Variants in ITGB1 observed in about 807,000 individuals in gnomAD.
ITGB1 encodes the protein integrin subunit beta 1.
Under a neutral mutation model 86.5 loss-of-function variants are expected in ITGB1, and 24 were observed. The observed-to-expected ratio is 0.28, with a 90% CI of 0.20 to 0.39. The LOEUF is 0.39. Among genes scored for constraint, ITGB1 ranks in the 10% least tolerant of loss-of-function variants. The probability of loss-of-function intolerance (pLI) is 1.00; values close to 1 mark genes in which losing one functional copy is unlikely to be tolerated. For missense variants in ITGB1, 556 were observed against 946.9 expected (o/e 0.59, Z 5.42); for synonymous variants, 323 against 316.8 (o/e 1.02, Z -0.21).
chr10:32,944,618 C>T, intron 1 of ITGB1: 1 of 586,870 alleles, frequency 1.7e-6, no homozygotes, highest in African/African-American at 1.8e-5. Flanking sequence ...CCTATATGAG[C>T]TGAAAAATCT....
intron 15 of ITGB1, among the ~76,000 whole-genome samples, chr10:32,907,542 A>C (rs1469755424): frequency 6.6e-6 from 1 of 152,182 alleles, no homozygotes; most frequent in African/African-American, 2.4e-5. Context: ...TTTAAAGTAC[A>C]TAGTTCTGTG....
chr10:32,918,537 G>A (rs1344240582), intron 11 of ITGB1, among the ~76,000 whole-genome samples: 4 of 152,186 alleles, frequency 2.6e-5, no homozygotes, highest in East Asian at 1.9e-4. Context: ...ATACACAGGC[G>A]CACATGTACA....
chr10:32,956,811 T>G (rs1042376117), intron 1 of ITGB1, among the ~76,000 whole-genome samples: 2 of 152,228 alleles, frequency 1.3e-5, no homozygotes, highest in Non-Finnish European at 2.9e-5. Context: ...TCCGAGATAT[T>G]TTTAACATCT....
rs117841208 is a variant in ITGB1 at position 32,954,619 on chromosome 10, A to C, written c.-1+3526T>G. On this transcript the variant is annotated intron_variant, in intron 1 of 15. Coordinates refer to ENST00000302278, the MANE Select transcript of ITGB1 (RefSeq NM_002211.4). ...ATCAACAAACATAATAGTAGACCTA[A>C]AATTTTCTCCCTATACTTCAGTGAG... 4.1e-4 allele frequency among the ~76,000 whole-genome samples: 62 copies of C among 152,336 alleles called. No homozygotes were observed. The East Asian group carries it at 0.012, about 28-fold the overall frequency.
chr10:32,902,535 A>G (rs1367507347), intron 15 of ITGB1, among the ~76,000 whole-genome samples: 2 of 152,228 alleles, frequency 1.3e-5, no homozygotes, highest in African/African-American at 4.8e-5. Flanking sequence ...GTGACCAAAT[A>G]ACACTTAATC....
At chr10:32,917,109 T>C (rs2094934322) in intron 11 of ITGB1, among the ~76,000 whole-genome samples, 1 of 152,206 alleles carries the variant, frequency 6.6e-6, no homozygotes, top group African/African-American at 2.4e-5. Flanking sequence ...CCCTATTTAA[T>C]AAATGGTGCT....
At chr10:32,944,974 A>T in intron 1 of ITGB1, 1 of 1,008,228 alleles carries the variant, frequency 9.9e-7, no homozygotes, top group East Asian at 2.6e-5. Context: ...AAGTTCCACA[A>T]AGAAGCCAGA....
intron 7 of ITGB1, 50 bp from the exon 8 acceptor site, chr10:32,922,785 T>TCTTCTA: frequency 9.6e-7 from 1 of 1,037,502 alleles, no homozygotes; most frequent in Non-Finnish European, 1.4e-6. Context: ...CCTTATAATC[T>TCTTCTA]CTTCTAATTT....
In ITGB1 at chr10:32,910,222, C is replaced by A; in HGVS notation, c.2164+1G>T. ...AATGTCTGCAATCATCGCATTTCTA[C>A]CTGGATTCTCCACAACATGAACCAT... On this transcript the variant is annotated splice_donor_variant, in intron 14 of 15. Coordinates refer to ENST00000302278, the MANE Select transcript of ITGB1 (RefSeq NM_002211.4). LOFTEE classifies it high-confidence loss of function. 1 of 1,599,466 alleles carries A rather than the reference C, an allele frequency of 6.3e-7. No individual in the cohort carries two copies. The highest frequency in any genetic ancestry group is 8.6e-7 in the Non-Finnish European group (1 of 1,167,166).
intron 11 of ITGB1, among the ~76,000 whole-genome samples, chr10:32,914,480 C>A (rs2094925234): frequency 6.6e-6 from 1 of 151,922 alleles, no homozygotes; most frequent in South Asian, 2.1e-4. Flanking sequence ...ATCTACCAAG[C>A]AAATGGAAAA....
intron 1 of ITGB1, among the ~76,000 whole-genome samples, chr10:32,952,765 C>G (rs909130988): frequency 3.3e-5 from 5 of 152,070 alleles, no homozygotes; most frequent in African/African-American, 4.8e-5. Context: ...TCTTTATTGC[C>G]TCTTCATCTC....
At chr10:32,942,277 T>C (rs1461009827) in intron 1 of ITGB1, among the ~76,000 whole-genome samples, 1 of 152,108 alleles carries the variant, frequency 6.6e-6, no homozygotes, top group Non-Finnish European at 1.5e-5. Flanking sequence ...CATTCATGCA[T>C]GACTGTTTTT....
At chr10:32,938,710 C>CGACTG (rs1469133840) in intron 1 of ITGB1, among the ~76,000 whole-genome samples, 3 of 152,168 alleles carry the variant, frequency 2.0e-5, no homozygotes, top group Non-Finnish European at 4.4e-5. Flanking sequence ...AACGATCCTG[C>CGACTG]GACTGGCGAC....
chr10:32,948,380 T>C lies in ITGB1; in HGVS notation c.-1+9765A>G, dbSNP rs1057288946. Among the ~76,000 whole-genome samples the C allele has an allele frequency of 3.9e-5, 6 of 152,070 alleles. No individual in the cohort carries two copies. In the South Asian group the frequency reaches 1.0e-3, roughly 26 times the overall value. Reference sequence around the variant, plus strand: ...TCTGAACACTAATATCATAAAAACATAGTAGACAAAATACAAATGCTCTGA... The same window carrying C: ...TCTGAACACTAATATCATAAAAACACAGTAGACAAAATACAAATGCTCTGA... On this transcript the variant is annotated intron_variant, in intron 1 of 15. Transcript: ENST00000302278.
intron 10 of ITGB1, 42 bp downstream of exon 10, chr10:32,920,203 A>C (rs1208066164): frequency 1.3e-6 from 2 of 1,591,576 alleles, no homozygotes; most frequent in South Asian, 2.3e-5. Context: ...TTTGCTTATA[A>C]ATAACCAATG....
intron 1 of ITGB1, among the ~76,000 whole-genome samples, chr10:32,950,698 C>T (rs891185451): frequency 6.6e-6 from 1 of 152,130 alleles, no homozygotes; most frequent in African/African-American, 2.4e-5. Context: ...TCACCACTCC[C>T]ACCCAGAAGA....
chr10:32,908,265 TAGAA>T (rs1248915444), intron 15 of ITGB1, 99 bp downstream of exon 15: 6 of 1,135,126 alleles, frequency 5.3e-6, no homozygotes, highest in Middle Eastern at 2.0e-4. Flanking sequence ...ATAAAATACT[TAGAA>T]AGGACTTTAA....
At position 32,923,702 on chromosome 10, in the gene ITGB1, C is replaced by T; in HGVS notation, c.825G>A (p.Val275=). 2 of 1,613,840 alleles carry T rather than the reference C, an allele frequency of 1.2e-6. No homozygotes were observed. The highest frequency in any genetic ancestry group is 1.7e-6 in the Non-Finnish European group (2 of 1,179,880). ...IGWRNVTRLL[V]FSTDAGFHFA... is the part of the protein sequence containing the mutation. The stretch of plus-strand genomic sequence containing the variant: ...AGTGAAACCCGGCATCTGTGGAAAA[C>T]ACCAGCAGCCGTGTAACATTCCTCC... Residue 275 remains valine (V), a synonymous_variant, in exon 7 of 16, where the codon GTG becomes GTA. Transcript: ENST00000302278.
intron 14 of ITGB1, among the ~76,000 whole-genome samples, chr10:32,909,626 G>T (rs571725954): frequency 6.6e-6 from 1 of 152,182 alleles, no homozygotes; most frequent in African/African-American, 2.4e-5. Context: ...GAGTCTGGCA[G>T]CTTCTTAACA....
Sources: gnomAD v4.1 joint callset for allele counts (sites outside exome capture counted in the v4.1 genomes callset) on GRCh38, gnomAD v4.1.1 for gene constraint, MANE v1.5 for transcripts, NCBI Gene and HGNC (gene_info 2026-07-23, HGNC 2026-07-21) for gene names.